Variants in DLGAP1 observed in about 807,000 individuals in gnomAD.
The protein encoded by DLGAP1 is DLG associated protein 1.
In DLGAP1, 11 loss-of-function variants were observed where a neutral mutation model predicts 90.8. That is an observed-to-expected ratio of 0.12 (90% CI 0.08 to 0.20). The LOEUF is 0.20. Ranked by LOEUF, DLGAP1 falls within the 10% of genes least tolerant of loss-of-function variation. DLGAP1 has a pLI of 1.00. For missense variants in DLGAP1, 1,050 were observed against 1,333.8 expected, an observed-to-expected ratio of 0.79 and a Z score of 3.31; for synonymous variants, 558 against 540.7, an observed-to-expected ratio of 1.03 and a Z score of -0.44.
intron 5 of DLGAP1, among the ~76,000 whole-genome samples, chr18:3,806,280 T>A (rs887754117): frequency 2.0e-5 from 3 of 152,214 alleles, no homozygotes; most frequent in Non-Finnish European, 4.4e-5. Flanking sequence ...GCAATGCAGA[T>A]TTTTCTCATC....
chr18:3,637,741 T>C (rs1489129307), intron 7 of DLGAP1, among the ~76,000 whole-genome samples: 1 of 151,886 alleles, frequency 6.6e-6, no homozygotes, highest in Non-Finnish European at 1.5e-5. Context: ...AGTGAGATAC[T>C]GTCTCAAAAA....
chr18:4,440,120 C>CAAA (rs35152199), intron 1 of DLGAP1, among the ~76,000 whole-genome samples: 134 of 49,310 alleles, frequency 2.7e-3, no homozygotes, highest in African/African-American at 3.4e-3. Context: ...ACTCCGTCAC[C>CAAA]AAAAAAAAAA....
At chr18:3,579,262 G>A (rs2055345454) in intron 8 of DLGAP1, among the ~76,000 whole-genome samples, 1 of 152,214 alleles carries the variant, frequency 6.6e-6, no homozygotes, top group East Asian at 1.9e-4. Flanking sequence ...CCCGACTTGT[G>A]TGCAATGGCA....
At chr18:4,124,841 T>C (rs1521420) in intron 2 of DLGAP1, among the ~76,000 whole-genome samples, 58,942 of 152,036 alleles carry the variant, frequency 0.39, 12,549 homozygotes, top group African/African-American at 0.57. Flanking sequence ...AGAAAGGCCA[T>C]GCATACATCC....
intron 2 of DLGAP1, among the ~76,000 whole-genome samples, chr18:4,058,839 C>T (rs1314113900): frequency 6.6e-6 from 1 of 152,210 alleles, no homozygotes; most frequent in Non-Finnish European, 1.5e-5. Context: ...CAAAACAGGC[C>T]TCCTGTCTAC....
At chr18:3,575,813 A>C (rs2055091193) in intron 8 of DLGAP1, among the ~76,000 whole-genome samples, 1 of 152,158 alleles carries the variant, frequency 6.6e-6, no homozygotes, top group Non-Finnish European at 1.5e-5. Context: ...GGGTATCAAG[A>C]AAAACACCAG....
chr18:4,116,159 AC>A (rs1159513566), intron 2 of DLGAP1, among the ~76,000 whole-genome samples: 2 of 152,016 alleles, frequency 1.3e-5, no homozygotes, highest in Admixed American at 1.3e-4. Context: ...ATTCTTGTTG[AC>A]CTTTTTTACT....
chr18:3,571,127 G>A lies in DLGAP1; in HGVS notation c.1966-3546C>T, dbSNP rs547136906. ...TATTTGTATTAATTTTCAGGAAATT[G>A]TTGTCTTTTTACTATGTAGTATTCC... On this transcript the variant is annotated intron_variant, in intron 8 of 12. Coordinates refer to ENST00000315677, the MANE Select transcript of DLGAP1 (RefSeq NM_004746.4). 6 of 151,960 alleles carry A rather than the reference G, an allele frequency of 3.9e-5. 2 individuals carry two copies. The highest frequency in any genetic ancestry group is 3.9e-4 in the East Asian group (2 of 5,102). 9.4% of individuals were successfully genotyped at this position (151,960 alleles called of 1,614,324 possible). A position where few individuals can be genotyped will look rare whatever the true frequency, so the allele number is the denominator to read the frequency against.
At chr18:3,969,169 T>G (rs1020677857) in intron 3 of DLGAP1, among the ~76,000 whole-genome samples, 1 of 152,196 alleles carries the variant, frequency 6.6e-6, no homozygotes. Context: ...TTGAAGTAGT[T>G]CAACTTTCCA....
At chr18:3,974,262 G>T (rs540772372) in intron 3 of DLGAP1, among the ~76,000 whole-genome samples, 18 of 152,088 alleles carry the variant, frequency 1.2e-4, no homozygotes, top group African/African-American at 4.3e-4. Flanking sequence ...TTTTAGTAGA[G>T]ACTGGGTTTC....
At chr18:3,900,975 C>G (rs2071770149) in intron 3 of DLGAP1, among the ~76,000 whole-genome samples, 1 of 152,084 alleles carries the variant, frequency 6.6e-6, no homozygotes. Flanking sequence ...TGATCATGTC[C>G]CTTCCCTGCA....
chr18:4,244,544 T>G (rs117756335), intron 1 of DLGAP1, among the ~76,000 whole-genome samples: 2,846 of 152,144 alleles, frequency 0.019, 36 homozygotes, highest in Non-Finnish European at 0.027. Context: ...GAACTATGAG[T>G]TGCCAAATCA....
chr18:4,009,136 C>T (rs755196443), intron 2 of DLGAP1, among the ~76,000 whole-genome samples: 8 of 152,134 alleles, frequency 5.3e-5, no homozygotes, highest in Admixed American at 1.3e-4. Context: ...ATCTCCTGAC[C>T]TCGTGATCCA....
chr18:4,042,197 A>G (rs908684030), intron 2 of DLGAP1, among the ~76,000 whole-genome samples: 1 of 152,170 alleles, frequency 6.6e-6, no homozygotes, highest in Non-Finnish European at 1.5e-5. Flanking sequence ...TTTGCAGTGT[A>G]CCATTACAAT....
At chr18:3,684,938 C>T (rs1327361297) in intron 7 of DLGAP1, among the ~76,000 whole-genome samples, 1 of 152,136 alleles carries the variant, frequency 6.6e-6, no homozygotes, top group Non-Finnish European at 1.5e-5. Context: ...AAGGATTGTT[C>T]AAATGAAAAG....
At chr18:4,425,064 C>T (rs2083122431) in intron 1 of DLGAP1, among the ~76,000 whole-genome samples, 2 of 108,874 alleles carry the variant, frequency 1.8e-5, no homozygotes, top group South Asian at 3.0e-4. Context: ...CTTGGTGGGG[C>T]GGGGGGCGGG....
At chr18:3,555,904 C>T (rs573079648) in intron 9 of DLGAP1, among the ~76,000 whole-genome samples, 57 of 152,206 alleles carry the variant, frequency 3.7e-4, no homozygotes, top group Non-Finnish European at 6.9e-4. Flanking sequence ...GTAAAGGAGA[C>T]GACTTTCTCC....
intron 4 of DLGAP1, chr18:3,822,098 G>C (rs1328545923): frequency 4.6e-6 from 3 of 646,460 alleles, no homozygotes; most frequent in Non-Finnish European, 3.8e-6. Flanking sequence ...CATGATTGTT[G>C]CTTCCCAATC....
At chr18:3,508,468 T>C in intron 11 of DLGAP1, 102 bp downstream of exon 11, 1 of 694,776 alleles carries the variant, frequency 1.4e-6, no homozygotes, top group South Asian at 2.9e-5. Context: ...CAATGGACCT[T>C]GACTTGGTTC....
Sources: allele counts gnomAD v4.1 joint callset (sites outside exome capture counted in the v4.1 genomes callset), GRCh38; gene constraint gnomAD v4.1.1; transcripts MANE v1.5; gene names NCBI Gene and HGNC (gene_info 2026-07-23, HGNC 2026-07-21).